Variants in C7 observed in about 807,000 individuals in gnomAD.
C7 encodes complement C7.
C7 carries 83 observed loss-of-function variants against 104.8 expected under a neutral mutation model. The observed-to-expected ratio is 0.79, with a 90% CI of 0.66 to 0.95. The LOEUF is 0.95. Among genes scored for constraint, C7 ranks in the 40% least tolerant of loss-of-function variants. The probability of loss-of-function intolerance (pLI) is 0.00; values close to 1 mark genes in which losing one functional copy is unlikely to be tolerated. For missense variants in C7, 1,070 were observed against 1,011.2 expected, an observed-to-expected ratio of 1.06 and a Z score of -0.79; for synonymous variants, 415 against 360.6, an observed-to-expected ratio of 1.15 and a Z score of -1.71.
intron 14 of C7, chr5:40,967,771 G>T: frequency 5.9e-6 from 1 of 168,924 alleles, no homozygotes; most frequent in Non-Finnish European, 1.3e-5. Context: ...CATCCTGTGG[G>T]ACAGAGACCT....
At chr5:40,942,206 T>C (rs986848436) in intron 6 of C7, among the ~76,000 whole-genome samples, 1 of 152,082 alleles carries the variant, frequency 6.6e-6, no homozygotes, top group Non-Finnish European at 1.5e-5. Context: ...GGTGGTGAGA[T>C]GGGAAAGTAG....
chr5:40,918,088 A>G (rs1453218650), intron 1 of C7, among the ~76,000 whole-genome samples: 1 of 152,204 alleles, frequency 6.6e-6, no homozygotes, highest in East Asian at 1.9e-4. Context: ...AATAGTATTC[A>G]AAGAATACCA....
At chr5:40,940,713 G>A (rs2597739) in intron 6 of C7, among the ~76,000 whole-genome samples, 69,855 of 151,984 alleles carry the variant, frequency 0.46, 16,691 homozygotes, top group African/African-American at 0.61. Flanking sequence ...AGAACGCTTT[G>A]TATACTAAGC....
intron 11 of C7, 142 bp from the exon 12 acceptor site, chr5:40,959,307 G>A (rs1358791480): frequency 2.8e-6 from 2 of 720,452 alleles, no homozygotes; most frequent in Non-Finnish European, 2.3e-6. Flanking sequence ...TCTGAACATT[G>A]TAGAAAACCT....
At chr5:40,950,100 A>G in intron 9 of C7, 86 bp downstream of exon 9, 1 of 743,974 alleles carries the variant, frequency 1.3e-6, no homozygotes, top group South Asian at 1.8e-5. Flanking sequence ...GAAGTTATGT[A>G]GGTAAACTTG....
chr5:40,942,640 A>G (rs898661967), intron 6 of C7, among the ~76,000 whole-genome samples: 1 of 152,152 alleles, frequency 6.6e-6, no homozygotes, highest in African/African-American at 2.4e-5. Context: ...ACTGTAGAGA[A>G]TGGGAGGAGG....
rs752040585 is a variant in C7, at chr5:40,937,502, G to A, written c.429-50G>A. 16 of 1,545,988 alleles carry A rather than the reference G, an allele frequency of 1.0e-5. No homozygotes were observed. The East Asian group carries it at 3.4e-4, about 33-fold the overall frequency. On this transcript the variant is annotated intron_variant, in intron 5 of 17. Transcript: ENST00000313164. ...TTTTCCCCACCAAGTGCTATTTCTGGTTTTTAACGGCTTTTTATTTCCTCC... is the reference window on the plus strand; with the variant it reads ...TTTTCCCCACCAAGTGCTATTTCTGATTTTTAACGGCTTTTTATTTCCTCC...
chr5:40,981,372 T>C lies in C7; in HGVS notation c.2351-20T>C, dbSNP rs566503738. ...GACCTCCACAATGTACCATTAAGCC[T>C]CTTTCACTTACTTTTCCAGCTGAGA... On this transcript the variant is annotated intron_variant, in intron 17 of 17. Transcript: ENST00000313164. 6.2e-7 allele frequency: 1 copy of C among 1,601,412 alleles called. No homozygotes were observed. Among genetic ancestry groups the C allele is most frequent in the Non-Finnish European group, 8.5e-7 (1 of 1,173,862 alleles).
At chr5:40,932,556 A>G (rs1739719321) in intron 3 of C7, among the ~76,000 whole-genome samples, 1 of 152,210 alleles carries the variant, frequency 6.6e-6, no homozygotes, top group Non-Finnish European at 1.5e-5. Flanking sequence ...ATCATCATTA[A>G]GATCAGGTAT....
intron 7 of C7, 103 bp downstream of exon 7, chr5:40,945,471 A>G (rs1328039657): frequency 5.5e-6 from 4 of 732,378 alleles, no homozygotes; most frequent in Admixed American, 6.9e-5. Flanking sequence ...TCATATTAAA[A>G]TTAGTAATAG....
At position 40,947,865 on chromosome 5, in the gene C7, GT is replaced by G; in HGVS notation, c.982+22del. 2 of 1,607,126 alleles carry G rather than the reference GT, an allele frequency of 1.2e-6. No individual in the cohort carries two copies. The highest frequency in any genetic ancestry group is 1.7e-6 in the Non-Finnish European group (2 of 1,176,484). On this transcript the variant is annotated intron_variant, in intron 8 of 17. Coordinates refer to ENST00000313164, the MANE Select transcript of C7 (RefSeq NM_000587.4). ...AAAATGGTACAGTATTAAAAAATTC[GT>G]TGTCTAAAGGCATTTCTGGGATTTT... is the stretch of plus-strand genomic sequence containing the variant.
Position 40,947,850 on chromosome 5 carries a change from A to C in C7, c.982+5A>C. ...CAGAAAAATTAAAACAAAATGGTAC[A>C]GTATTAAAAAATTCGTTGTCTAAAG... On this transcript the variant is annotated splice_donor_5th_base_variant and intron_variant, in intron 8 of 17. Transcript: ENST00000313164. 1 of 1,610,624 alleles carries C rather than the reference A, an allele frequency of 6.2e-7. No individual in the cohort carries two copies. The highest frequency in any genetic ancestry group is 8.5e-7 in the Non-Finnish European group (1 of 1,178,846).
chr5:40,926,186 A>C (rs1343315721), intron 1 of C7, among the ~76,000 whole-genome samples: 1 of 152,228 alleles, frequency 6.6e-6, no homozygotes, highest in Non-Finnish European at 1.5e-5. Context: ...GATGCAGAAA[A>C]ACATTTGACA....
chr5:40,981,855 T>A lies in C7; in HGVS notation c.*282T>A, dbSNP rs1218906286. The A allele has an allele frequency of 3.9e-6, 1 of 257,928 alleles. No homozygotes were observed. The highest frequency in any genetic ancestry group is 7.3e-5 in the East Asian group (1 of 13,670). The allele number at this position is 257,928 out of a possible 1,614,324, so 16.0% of individuals were successfully genotyped here. A position where few individuals can be genotyped will look rare whatever the true frequency, so the allele number is the denominator to read the frequency against. On this transcript the variant is annotated 3_prime_UTR_variant, in exon 18 of 18. Transcript: ENST00000313164. ...TTACCTTCTCTGGGCCTTGGTTTTTTAAAATCTGTAAAATTAGAGGATTGC... is the reference window on the plus strand; with the variant it reads ...TTACCTTCTCTGGGCCTTGGTTTTTAAAAATCTGTAAAATTAGAGGATTGC...
At chr5:40,912,814 G>A (rs868270485) in intron 1 of C7, among the ~76,000 whole-genome samples, 7 of 152,012 alleles carry the variant, frequency 4.6e-5, no homozygotes, top group Non-Finnish European at 1.0e-4. Context: ...TATTTTATTT[G>A]TATACATTTA....
At chr5:40,954,084 T>C (rs1356967479) in intron 9 of C7, among the ~76,000 whole-genome samples, 1 of 152,156 alleles carries the variant, frequency 6.6e-6, no homozygotes, top group Admixed American at 6.6e-5. Flanking sequence ...ATGAGGCACA[T>C]AAATGGAAAA....
At position 40,981,717 on chromosome 5, in the gene C7, A is replaced by T; in HGVS notation, c.*144A>T. On this transcript the variant is annotated 3_prime_UTR_variant, in exon 18 of 18. Transcript: ENST00000313164. ...CCTCAACTCCCAGCCATCTGTATAA[A>T]CACAATCCTTTGTTCTCCCAAATCT... 1 of 630,236 alleles carries T rather than the reference A, an allele frequency of 1.6e-6. No individual in the cohort carries two copies. Among genetic ancestry groups the T allele is most frequent in the South Asian group, 2.6e-5 (1 of 38,896 alleles). 39.0% of individuals were successfully genotyped at this position (630,236 alleles called of 1,614,324 possible).
At chr5:40,965,497 G>T (rs1368408818) in intron 14 of C7, among the ~76,000 whole-genome samples, 1 of 152,094 alleles carries the variant, frequency 6.6e-6, no homozygotes, top group African/African-American at 2.4e-5. Flanking sequence ...CATACATTTA[G>T]ATTTAGTGGA....
At chr5:40,969,153 A>G (rs965583109) in intron 14 of C7, among the ~76,000 whole-genome samples, 2 of 152,090 alleles carry the variant, frequency 1.3e-5, no homozygotes, top group African/African-American at 4.8e-5. Context: ...ATTTAAAAAT[A>G]TTAAAATTTT....
Sources: gnomAD v4.1 joint callset for allele counts (sites outside exome capture counted in the v4.1 genomes callset) on GRCh38, gnomAD v4.1.1 for gene constraint, MANE v1.5 for transcripts, NCBI Gene and HGNC (gene_info 2026-07-23, HGNC 2026-07-21) for gene names.